Variants in GUCY1A2 observed in about 807,000 individuals in gnomAD.
GUCY1A2 encodes the protein guanylate cyclase soluble subunit alpha-2.
A neutral mutation model predicts 63.5 loss-of-function variants in GUCY1A2; 27 were observed. The ratio of observed to expected loss-of-function variants is 0.43; its 90% CI spans 0.31 to 0.59. The LOEUF (loss-of-function observed/expected upper bound fraction) is 0.59, where lower values mean the gene tolerates loss of function less well. GUCY1A2 is among the 20% of genes least tolerant of loss of function. The pLI is 0.11. For missense variants in GUCY1A2, 768 were observed against 913.3 expected (o/e 0.84, Z 2.05); for synonymous variants, 364 against 343.5 (o/e 1.06, Z -0.66).
intron 3 of GUCY1A2, among the ~76,000 whole-genome samples, chr11:106,969,972 G>T (rs942394637): frequency 1.3e-5 from 2 of 152,146 alleles, no homozygotes; most frequent in South Asian, 4.1e-4. Flanking sequence ...GAGTTTTGCA[G>T]ATTTTAAATG....
rs71041701 is a variant in GUCY1A2 at position 106,944,215 on chromosome 11, CAAAAAA to C, written c.488-4043_488-4038del. ...GGGCAACAGAGTGAGACCCTGTCTC[CAAAAAA>C]AAAAAAAAAAAAAAAGCAGGTGGTC... On this transcript the variant is annotated intron_variant, in intron 3 of 7. Transcript: ENST00000526355. 3.7e-4 allele frequency among the ~76,000 whole-genome samples: 8 copies of C among 21,580 alleles called. 1 individual carries two copies. Among genetic ancestry groups the C allele is most frequent in the African/African-American group, 7.0e-4 (3 of 4,300 alleles). 14.2% of individuals were successfully genotyped at this position (21,580 alleles called of 152,430 possible).
intron 4 of GUCY1A2, among the ~76,000 whole-genome samples, chr11:106,867,413 G>A (rs118174943): frequency 5.3e-5 from 8 of 152,006 alleles, no homozygotes; most frequent in East Asian, 3.9e-4. Context: ...CAGTTAGGAA[G>A]AGAAAACAGA....
At chr11:106,707,812 A>C (rs967879080) in intron 7 of GUCY1A2, among the ~76,000 whole-genome samples, 2 of 152,112 alleles carry the variant, frequency 1.3e-5, no homozygotes, top group Non-Finnish European at 2.9e-5. Context: ...GTGTTGTCAA[A>C]GATTACCTTT....
At chr11:106,750,016 A>C (rs931787124) in intron 6 of GUCY1A2, among the ~76,000 whole-genome samples, 14 of 152,084 alleles carry the variant, frequency 9.2e-5, no homozygotes, top group African/African-American at 3.1e-4. Context: ...ATGATAGGCT[A>C]TCTGCAAGTT....
chr11:106,940,737 T>C (rs7119609), intron 3 of GUCY1A2, among the ~76,000 whole-genome samples: 137,451 of 152,228 alleles, frequency 0.9, 62,143 homozygotes, highest in East Asian at 1. Context: ...CCCTTCCTTC[T>C]CCCTAACTCC....
chr11:106,990,350 G>C (rs1817781458), intron 1 of GUCY1A2, among the ~76,000 whole-genome samples: 1 of 152,240 alleles, frequency 6.6e-6, no homozygotes, highest in Admixed American at 6.5e-5. Flanking sequence ...GAACCCCACA[G>C]ACTAAATGTT....
chr11:106,748,741 A>T (rs1446931654), intron 6 of GUCY1A2, among the ~76,000 whole-genome samples: 1 of 152,176 alleles, frequency 6.6e-6, no homozygotes, highest in African/African-American at 2.4e-5. Context: ...TTAATACGCT[A>T]ATATTTACCT....
At chr11:106,862,330 A>T (rs199734665) in intron 4 of GUCY1A2, among the ~76,000 whole-genome samples, 1 of 2,024 alleles carries the variant, frequency 4.9e-4, no homozygotes, top group African/African-American at 2.0e-3. Flanking sequence ...AATGAGATAT[A>T]AAAAAAACAC....
intron 5 of GUCY1A2, among the ~76,000 whole-genome samples, chr11:106,782,930 A>T (rs1174536695): frequency 6.6e-6 from 1 of 152,162 alleles, no homozygotes; most frequent in Non-Finnish European, 1.5e-5. Flanking sequence ...GTTGCCAGAT[A>T]CTCAGTAGGG....
At chr11:106,749,749 C>T (rs980756181) in intron 6 of GUCY1A2, among the ~76,000 whole-genome samples, 4 of 152,042 alleles carry the variant, frequency 2.6e-5, no homozygotes, top group African/African-American at 9.7e-5. Context: ...TCGTACATTG[C>T]CCTTTCCTCC....
chr11:106,752,615 G>A (rs1439015364), intron 6 of GUCY1A2, among the ~76,000 whole-genome samples: 1 of 152,012 alleles, frequency 6.6e-6, no homozygotes, highest in Non-Finnish European at 1.5e-5. Flanking sequence ...TGCAGTGTTG[G>A]TTTTCCGTCC....
chr11:106,971,219 A>ATG (rs67190015), intron 3 of GUCY1A2, among the ~76,000 whole-genome samples: 14,264 of 148,776 alleles, frequency 0.096, 1,157 homozygotes, highest in East Asian at 0.31. Flanking sequence ...ACAAATTTAA[A>ATG]TGTGTGTGTG....
Position 106,675,244 on chromosome 11 carries a change from T to C in GUCY1A2, c.*12305A>G, listed in dbSNP as rs1465243027. The C allele has an allele frequency of 9.9e-6, 2 of 202,048 alleles. No individual in the cohort carries two copies. The highest frequency in any genetic ancestry group is 2.0e-5 in the Non-Finnish European group (2 of 98,258). The allele number at this position is 202,048 out of a possible 1,614,324, so 12.5% of individuals were successfully genotyped here. On this transcript the variant is annotated 3_prime_UTR_variant, in exon 8 of 8. Transcript: ENST00000526355. ...CAGGCAGCTGTTATAAAACTTCTTT[T>C]TCGAAGGCAAAATTCTCAGGAGGAC...
chr11:106,950,364 A>T (rs923577345), intron 3 of GUCY1A2, among the ~76,000 whole-genome samples: 17 of 152,210 alleles, frequency 1.1e-4, no homozygotes, highest in Non-Finnish European at 2.1e-4. Context: ...AGCAGCAGTA[A>T]GGTGCAGAGT....
chr11:106,748,958 A>G (rs1395831663), intron 6 of GUCY1A2, among the ~76,000 whole-genome samples: 1 of 152,118 alleles, frequency 6.6e-6, no homozygotes, highest in African/African-American at 2.4e-5. Flanking sequence ...AGAATCATAT[A>G]CAGTCATGTG....
intron 4 of GUCY1A2, among the ~76,000 whole-genome samples, chr11:106,890,082 C>G (rs930927229): frequency 6.6e-6 from 1 of 152,108 alleles, no homozygotes; most frequent in Non-Finnish European, 1.5e-5. Context: ...GCTGCCCTTT[C>G]TTCTGATTTT....
chr11:106,843,860 G>A (rs1380024477), intron 4 of GUCY1A2, among the ~76,000 whole-genome samples: 1 of 151,680 alleles, frequency 6.6e-6, no homozygotes, highest in Non-Finnish European at 1.5e-5. Flanking sequence ...TTCGAAAATT[G>A]TGAGAAAAAT....
At chr11:106,913,261 A>G (rs543106608) in intron 4 of GUCY1A2, among the ~76,000 whole-genome samples, 39 of 152,224 alleles carry the variant, frequency 2.6e-4, no homozygotes, top group African/African-American at 8.9e-4. Flanking sequence ...TTATAAAGAA[A>G]AGAGATTTAT....
At chr11:106,763,855 G>A (rs544352904) in intron 6 of GUCY1A2, among the ~76,000 whole-genome samples, 5 of 152,078 alleles carry the variant, frequency 3.3e-5, no homozygotes, top group African/African-American at 9.6e-5. Flanking sequence ...TTTTCGTTAC[G>A]TAAATAAAAA....
Sources: allele counts gnomAD v4.1 joint callset (sites outside exome capture counted in the v4.1 genomes callset), GRCh38; gene constraint gnomAD v4.1.1; transcripts MANE v1.5; gene names NCBI Gene and HGNC (gene_info 2026-07-23, HGNC 2026-07-21).